PHACTR3: variants seen among roughly 807,000 people sequenced by gnomAD.
The protein encoded by PHACTR3 is phosphatase and actin regulator 3.
In PHACTR3, 16 loss-of-function variants were observed where a neutral mutation model predicts 66.8. The observed-to-expected ratio is 0.24, with a 90% confidence interval of 0.16 to 0.36. The LOEUF is 0.36. PHACTR3 is among the 10% of genes least tolerant of loss of function. The probability of loss-of-function intolerance (pLI) is 1.00; values close to 1 mark genes in which losing one functional copy is unlikely to be tolerated. For missense variants in PHACTR3, 647 were observed against 719.9 expected (o/e 0.90, Z 1.16); for synonymous variants, 323 against 292.1 (o/e 1.11, Z -1.08).
chr20:59,845,227 T>C lies in PHACTR3; in HGVS notation c.1626T>C (p.Asn542=), dbSNP rs2059127818. Residue 542 remains asparagine, a synonymous_variant, in exon 12 of 13, where the codon AAT becomes AAC. Transcript: ENST00000371015. ...AAGAATTAAATGAGTACAAAAGTAA[T>C]GAAATGGAGGTACATGCATCAAGCA... ...IRKELNEYKS[N]EMEVHASSKH... is the part of the protein sequence containing the mutation. 1 of 1,609,786 alleles carries C rather than the reference T, an allele frequency of 6.2e-7. No homozygotes were observed. Among genetic ancestry groups the C allele is most frequent in the Non-Finnish European group, 8.5e-7 (1 of 1,176,788 alleles).
At chr20:59,770,223 T>G (rs752535712) in intron 5 of PHACTR3, among the ~76,000 whole-genome samples, 1 of 152,210 alleles carries the variant, frequency 6.6e-6, no homozygotes, top group Non-Finnish European at 1.5e-5. Flanking sequence ...CTGACACTTA[T>G]GCGTTTCCAT....
chr20:59,743,724 C>T (rs1320841236), intron 2 of PHACTR3, among the ~76,000 whole-genome samples: 1 of 152,154 alleles, frequency 6.6e-6, no homozygotes, highest in Non-Finnish European at 1.5e-5. Context: ...CTGGGTCGTA[C>T]CCCCACAGAT....
intron 7 of PHACTR3, among the ~76,000 whole-genome samples, chr20:59,774,989 G>A (rs1211567618): frequency 2.0e-5 from 3 of 152,224 alleles, no homozygotes; most frequent in South Asian, 4.1e-4. Flanking sequence ...TCTCAGAAGT[G>A]CTGTGGATGG....
At chr20:59,657,715 C>T (rs1190012682) in intron 1 of PHACTR3, among the ~76,000 whole-genome samples, 2 of 152,060 alleles carry the variant, frequency 1.3e-5, no homozygotes, top group African/African-American at 4.8e-5. Flanking sequence ...TCAGTTTTCT[C>T]TTGCTATTTT....
At chr20:59,807,421 G>A (rs564093861) in intron 8 of PHACTR3, among the ~76,000 whole-genome samples, 57 of 152,320 alleles carry the variant, frequency 3.7e-4, no homozygotes, top group African/African-American at 8.9e-4. Flanking sequence ...AGTAACATGC[G>A]TAGAGCTGTC....
chr20:59,791,898 T>C (rs1484370578), intron 7 of PHACTR3, among the ~76,000 whole-genome samples: 2 of 152,182 alleles, frequency 1.3e-5, no homozygotes. Flanking sequence ...GTTTCTTATC[T>C]GTCCCATTGG....
chr20:59,659,019 A>G (rs1473890996), intron 1 of PHACTR3, among the ~76,000 whole-genome samples: 1 of 151,344 alleles, frequency 6.6e-6, no homozygotes, highest in Non-Finnish European at 1.5e-5. Flanking sequence ...TTAAATGATA[A>G]TATATTTTTC....
At chr20:59,810,942 G>A (rs2147015664) in intron 8 of PHACTR3, among the ~76,000 whole-genome samples, 1 of 152,368 alleles carries the variant, frequency 6.6e-6, no homozygotes, top group Non-Finnish European at 1.5e-5. Flanking sequence ...CCTGTCTACA[G>A]CCACCATCTA....
At chr20:59,629,193 G>A (rs2034573753) in intron 1 of PHACTR3, among the ~76,000 whole-genome samples, 1 of 152,238 alleles carries the variant, frequency 6.6e-6, no homozygotes, top group Non-Finnish European at 1.5e-5. Flanking sequence ...CTGACTGGAT[G>A]CCCACCTGCT....
chr20:59,785,741 G>A (rs1167681996), intron 7 of PHACTR3, among the ~76,000 whole-genome samples: 1 of 152,224 alleles, frequency 6.6e-6, no homozygotes, highest in African/African-American at 2.4e-5. Context: ...GAAGGCCGTG[G>A]TCAGCAGCAC....
intron 1 of PHACTR3, among the ~76,000 whole-genome samples, chr20:59,686,240 G>A (rs1330367752): frequency 6.6e-6 from 1 of 152,204 alleles, no homozygotes; most frequent in Non-Finnish European, 1.5e-5. Flanking sequence ...ATAGCATGGA[G>A]CTGGGGCCTA....
In PHACTR3 at chr20:59,658,643, T is replaced by C. The variant is rs116609437; in HGVS notation, c.118+53511T>C. 9.0e-3 allele frequency among the ~76,000 whole-genome samples: 1,364 copies of C among 152,290 alleles called. 27 individuals are homozygous for C. Among genetic ancestry groups the C allele is most frequent in the African/African-American group, 0.031 (1,283 of 41,550 alleles). On this transcript the variant is annotated intron_variant, in intron 1 of 12. Transcript: ENST00000371015. ...TGACTTCTCTCTTCTGCCTCCTTCC[T>C]TAATCTCCCTGTTAATCTGTCTGCC...
intron 1 of PHACTR3, among the ~76,000 whole-genome samples, chr20:59,615,029 G>A (rs775376632): frequency 6.6e-6 from 1 of 152,128 alleles, no homozygotes; most frequent in Non-Finnish European, 1.5e-5. Context: ...TCGGGGATCT[G>A]CCTGGCCCCT....
At chr20:59,782,737 C>T (rs1182510) in intron 7 of PHACTR3, among the ~76,000 whole-genome samples, 111,307 of 152,072 alleles carry the variant, frequency 0.73, 45,617 homozygotes, top group Non-Finnish European at 0.92. Context: ...ATTCAATTAT[C>T]TCCCATTGGG....
intron 1 of PHACTR3, among the ~76,000 whole-genome samples, chr20:59,653,802 G>GAT (rs2035532675): frequency 6.6e-6 from 1 of 152,076 alleles, no homozygotes; most frequent in African/African-American, 2.4e-5. Context: ...TAATATTCAT[G>GAT]ATATTCTTTG....
intron 1 of PHACTR3, among the ~76,000 whole-genome samples, chr20:59,720,645 C>T (rs1157055431): frequency 2.6e-5 from 4 of 152,204 alleles, no homozygotes; most frequent in African/African-American, 9.6e-5. Flanking sequence ...CTCCTTTGAT[C>T]CAAGTACATC....
chr20:59,657,256 G>T (rs1283602452), intron 1 of PHACTR3, among the ~76,000 whole-genome samples: 1 of 99,722 alleles, frequency 1.0e-5, no homozygotes, highest in Non-Finnish European at 2.1e-5. Flanking sequence ...ATAGAAGTGT[G>T]TTGTGTGTGT....
chr20:59,797,025 T>C (rs1221231177), intron 7 of PHACTR3, among the ~76,000 whole-genome samples: 1 of 152,208 alleles, frequency 6.6e-6, no homozygotes, highest in Non-Finnish European at 1.5e-5. Flanking sequence ...CCATAGGTTT[T>C]CTTCATTTTT....
chr20:59,595,529 T>C (rs2033302900), intron 1 of PHACTR3, among the ~76,000 whole-genome samples: 1 of 152,210 alleles, frequency 6.6e-6, no homozygotes, highest in African/African-American at 2.4e-5. Context: ...GAATATTTCA[T>C]GTGAGCTTGA....
Sources: gnomAD v4.1 joint callset for allele counts (sites outside exome capture counted in the v4.1 genomes callset) on GRCh38, gnomAD v4.1.1 for gene constraint, MANE v1.5 for transcripts, NCBI Gene and HGNC (gene_info 2026-07-23, HGNC 2026-07-21) for gene names.